The following TSPAN14 variants were observed in gnomAD, a reference collection of about 807,000 sequenced individuals.
TSPAN14 encodes tetraspanin-14.
TSPAN14 carries 16 observed loss-of-function variants against 36.6 expected under a neutral mutation model. The observed-to-expected ratio is 0.44, with a 90% confidence interval of 0.30 to 0.66. The LOEUF is 0.66. Ranked by LOEUF, TSPAN14 falls within the 30% of genes least tolerant of loss-of-function variation. The pLI, the probability that TSPAN14 is intolerant of heterozygous loss-of-function variation, is 0.12. For synonymous variants in TSPAN14, 139 were observed against 143.8 expected (o/e 0.97, Z 0.24); for missense variants, 231 against 355.1 (o/e 0.65, Z 2.81).
intron 1 of TSPAN14, among the ~76,000 whole-genome samples, chr10:80,461,668 C>T (rs1845975780): frequency 6.6e-6 from 1 of 151,966 alleles, no homozygotes; most frequent in Admixed American, 6.6e-5. Context: ...CCCTCCATGG[C>T]ATGACTGATG....
chr10:80,513,583 C>A (rs1291942258), intron 6 of TSPAN14, among the ~76,000 whole-genome samples: 1 of 152,200 alleles, frequency 6.6e-6, no homozygotes, highest in Non-Finnish European at 1.5e-5. Context: ...GCCCCCAGGC[C>A]AAATCTGGCT....
intron 1 of TSPAN14, among the ~76,000 whole-genome samples, chr10:80,478,713 C>T (rs1199589419): frequency 6.6e-6 from 1 of 152,146 alleles, no homozygotes; most frequent in Non-Finnish European, 1.5e-5. Context: ...AATGGATCCC[C>T]AGCTTAGAAC....
exon 9 of TSPAN14, chr10:80,518,761 GTTTA>G (rs1021985833): frequency 2.0e-5 from 3 of 152,818 alleles, no homozygotes; most frequent in Admixed American, 6.5e-5. Context: ...TGTGTAAATA[GTTTA>G]TTTATAGGGG....
intron 6 of TSPAN14, among the ~76,000 whole-genome samples, chr10:80,513,022 C>T (rs1246403761): frequency 2.0e-5 from 3 of 152,154 alleles, no homozygotes. Flanking sequence ...CCTCAACCTC[C>T]CAAGTAGCTG....
intron 2 of TSPAN14, among the ~76,000 whole-genome samples, chr10:80,501,482 G>A (rs1421764432): frequency 6.6e-6 from 1 of 152,104 alleles, no homozygotes; most frequent in Non-Finnish European, 1.5e-5. Context: ...TGAGAGAAGG[G>A]GTGAGCTGTG....
chr10:80,503,386 T>C (rs936193943), intron 2 of TSPAN14, among the ~76,000 whole-genome samples: 3 of 152,130 alleles, frequency 2.0e-5, no homozygotes, highest in African/African-American at 7.2e-5. Context: ...TCCGTGAATA[T>C]TTGTTGAATG....
chr10:80,472,659 A>G (rs937760814), intron 1 of TSPAN14, among the ~76,000 whole-genome samples: 1 of 152,218 alleles, frequency 6.6e-6, no homozygotes, highest in African/African-American at 2.4e-5. Context: ...TCATTTAACT[A>G]TACAGAACTG....
At chr10:80,489,092 C>G in intron 1 of TSPAN14, 125 bp from the exon 2 acceptor site, 1 of 650,194 alleles carries the variant, frequency 1.5e-6, no homozygotes, top group South Asian at 1.8e-5. Flanking sequence ...CAGGCCTCTG[C>G]TTGGACCAGT....
intron 1 of TSPAN14, among the ~76,000 whole-genome samples, chr10:80,455,729 A>C (rs1845706626): frequency 6.6e-6 from 1 of 152,074 alleles, no homozygotes; most frequent in East Asian, 1.9e-4. Context: ...CCCAGAATGA[A>C]GCCCAGACTC....
chr10:80,465,707 G>A (rs900682282), intron 1 of TSPAN14, among the ~76,000 whole-genome samples: 2 of 152,194 alleles, frequency 1.3e-5, no homozygotes, highest in African/African-American at 4.8e-5. Flanking sequence ...CGGGTCTTTG[G>A]CAGAAAAAGC....
At chr10:80,465,239 A>T (rs74859587) in intron 1 of TSPAN14, among the ~76,000 whole-genome samples, 1 of 151,884 alleles carries the variant, frequency 6.6e-6, no homozygotes, top group Non-Finnish European at 1.5e-5. Context: ...CTGGGTTGCT[A>T]TTAGTCTCCC....
Position 80,491,128 on chromosome 10 carries a change from A to G in TSPAN14, c.81+1814A>G, listed in dbSNP as rs79478533. ...GTTTGGGGATTTTCTGTCCTAGAGA[A>G]ATAAGGTGGGATTCAATGGCTTGGT... On this transcript the variant is annotated intron_variant, in intron 2 of 8. Transcript: ENST00000429989. 5.1e-3 allele frequency among the ~76,000 whole-genome samples: 779 copies of G among 152,206 alleles called. 5 individuals are homozygous for G. The highest frequency in any genetic ancestry group is 0.018 in the African/African-American group (739 of 41,514).
At chr10:80,491,827 G>A (rs1353437190) in intron 2 of TSPAN14, among the ~76,000 whole-genome samples, 1 of 152,216 alleles carries the variant, frequency 6.6e-6, no homozygotes, top group African/African-American at 2.4e-5. Flanking sequence ...GAACAGTCAG[G>A]AAGACCAAAC....
chr10:80,462,368 A>T (rs1277799450), intron 1 of TSPAN14, among the ~76,000 whole-genome samples: 2 of 49,060 alleles, frequency 4.1e-5, no homozygotes, highest in African/African-American at 1.0e-4. Context: ...ATGGGATGGG[A>T]TGGGGTGGGG....
At chr10:80,482,585 G>A (rs959792878) in intron 1 of TSPAN14, among the ~76,000 whole-genome samples, 2 of 151,098 alleles carry the variant, frequency 1.3e-5, no homozygotes, top group Admixed American at 6.6e-5. Flanking sequence ...ACTGTGCCCG[G>A]CCTCCACAAA....
rs530902545 is a variant in TSPAN14, at chr10:80,494,843, T to A, written c.81+5529T>A. ...GTCCCTTTTTCTCTTCAGGTAGTATTTAATCAACTTTTGTAATTTCGTGGA... is the reference window on the plus strand; with the variant it reads ...GTCCCTTTTTCTCTTCAGGTAGTATATAATCAACTTTTGTAATTTCGTGGA... On this transcript the variant is annotated intron_variant, in intron 2 of 8. Transcript: ENST00000429989. Among the ~76,000 whole-genome samples the A allele has an allele frequency of 9.0e-3, 1,367 of 152,346 alleles. 20 individuals are homozygous for A. Among genetic ancestry groups the A allele is most frequent in the African/African-American group, 0.031 (1,303 of 41,568 alleles).
chr10:80,464,130 C>T (rs879554130), intron 1 of TSPAN14, among the ~76,000 whole-genome samples: 2 of 152,098 alleles, frequency 1.3e-5, no homozygotes, highest in African/African-American at 2.4e-5. Flanking sequence ...GAAGGGGGAG[C>T]GTTGGTTGCA....
chr10:80,492,795 G>A (rs1016339704), intron 2 of TSPAN14, among the ~76,000 whole-genome samples: 3 of 151,564 alleles, frequency 2.0e-5, no homozygotes, highest in Admixed American at 6.6e-5. Context: ...CAGCCTGGGC[G>A]ACAGAGCGAG....
Position 80,517,895 on chromosome 10 carries a change from T to C in TSPAN14, c.742-10T>C. 4 of 1,559,958 alleles carry C rather than the reference T, an allele frequency of 2.6e-6. No homozygotes were observed. The highest frequency in any genetic ancestry group is 2.4e-5 in the East Asian group (1 of 42,416). On this transcript the variant is annotated splice_polypyrimidine_tract_variant and intron_variant, in intron 8 of 8. Coordinates refer to ENST00000429989, the Ensembl canonical transcript of TSPAN14. ...GCAATGGCCGCTGACTCTGCTGGTG[T>C]TGGTTTCAGATATTTGGCATCTTCC...
Sources: gnomAD v4.1 joint callset for allele counts (sites outside exome capture counted in the v4.1 genomes callset) on GRCh38, gnomAD v4.1.1 for gene constraint, MANE v1.5 for transcripts, NCBI Gene and HGNC (gene_info 2026-07-23, HGNC 2026-07-21) for gene names.